DNAH10: variants seen among roughly 807,000 people sequenced by gnomAD.
DNAH10 encodes dynein axonemal heavy chain 10.
A neutral mutation model predicts 506.6 loss-of-function variants in DNAH10; 348 were observed. That is an observed-to-expected ratio of 0.69 (90% CI 0.63 to 0.75). The LOEUF (loss-of-function observed/expected upper bound fraction) is 0.75, where lower values mean the gene tolerates loss of function less well. DNAH10 is among the 30% of genes least tolerant of loss of function. The pLI is 0.00. For missense variants in DNAH10, 5,179 were observed against 5,787.1 expected (o/e 0.89, Z 3.41); for synonymous variants, 2,059 against 2,198.6 (o/e 0.94, Z 1.78).
At chr12:123,848,451 G>A (rs1384514425) in intron 33 of DNAH10, among the ~76,000 whole-genome samples, 2 of 152,146 alleles carry the variant, frequency 1.3e-5, no homozygotes, top group South Asian at 2.1e-4. Flanking sequence ...TGGGAAAGTG[G>A]ACCCAGCATT....
rs369720681 is a variant in DNAH10 at position 123,916,718 on chromosome 12, A to G, written c.10984A>G (p.Met3662Val). The G allele has an allele frequency of 1.4e-5, 23 of 1,611,646 alleles. No homozygotes were observed. Among genetic ancestry groups the G allele is most frequent in the African/African-American group, 2.7e-5 (2 of 74,926 alleles). Residue 3662 changes from methionine to valine, a missense_variant, in exon 63 of 79, where the codon ATG (methionine) becomes GTG (valine). By Grantham distance (21) the Met-to-Val change is conservative. This residue lies in a region of DNAH10 where 4,844 missense variants were observed against 5,430.5 expected (regional missense o/e 0.89). Transcript: ENST00000673944. This position sits in a 1 kb window ranked among gnomAD's most constrained non-coding sequence, Gnocchi z 4.6. Reference sequence around the variant, plus strand: ...TTCCCCATCCGTGTTTGGGAAAGCTATGGTGATCAATTACACTGGTAAGAA... The same window carrying G: ...TTCCCCATCCGTGTTTGGGAAAGCTGTGGTGATCAATTACACTGGTAAGAA... ...RYSPSVFGKA[M>V]VINYTVTLKG...
At chr12:123,788,694 G>A (rs892699708) in intron 10 of DNAH10, among the ~76,000 whole-genome samples, 2 of 152,006 alleles carry the variant, frequency 1.3e-5, no homozygotes, top group Non-Finnish European at 2.9e-5. Flanking sequence ...TTTTGAGGCT[G>A]GGGTGGGAGG....
intron 30 of DNAH10, 41 bp downstream of exon 30, chr12:123,841,586 C>A: frequency 6.4e-7 from 1 of 1,565,766 alleles, no homozygotes; most frequent in South Asian, 1.1e-5. Context: ...CTATCCAATT[C>A]ATAGTCATAA....
At chr12:123,769,351 A>G (rs1364575224) in intron 2 of DNAH10, among the ~76,000 whole-genome samples, 1 of 150,564 alleles carries the variant, frequency 6.6e-6, no homozygotes, top group Non-Finnish European at 1.5e-5. Flanking sequence ...TAATTTTTGT[A>G]TTTTTAGTAG....
chr12:123,822,521 T>G (rs559289550), intron 24 of DNAH10, among the ~76,000 whole-genome samples: 1 of 152,320 alleles, frequency 6.6e-6, no homozygotes, highest in East Asian at 1.9e-4. Flanking sequence ...TATACCTGTA[T>G]CTATATCTAA....
chr12:123,934,303 A>G (rs1174397725), intron 77 of DNAH10: 2 of 688,642 alleles, frequency 2.9e-6, no homozygotes, highest in African/African-American at 3.5e-5. Flanking sequence ...GCATCTTTCT[A>G]GCCTGGGGGC....
intron 31 of DNAH10, 24 bp downstream of exon 31, chr12:123,845,893 G>A (rs4930728): frequency 0.24 from 384,772 of 1,612,782 alleles, 49,540 homozygotes; most frequent in Middle Eastern, 0.27. Flanking sequence ...GGGGTCACTG[G>A]CATTTCAAAA....
intron 11 of DNAH10, among the ~76,000 whole-genome samples, chr12:123,791,818 A>G (rs1958091163): frequency 6.6e-6 from 1 of 152,098 alleles, no homozygotes; most frequent in Admixed American, 6.6e-5. Flanking sequence ...TGATCCTCCT[A>G]CCTCAGCTTC....
Position 123,909,167 on chromosome 12 carries a change from C to CT in DNAH10, c.9816-90dup, listed in dbSNP as rs1209782003. 1.4e-4 allele frequency: 204 copies of CT among 1,498,700 alleles called. No homozygotes were observed. Among genetic ancestry groups the CT allele is most frequent in the Non-Finnish European group, 9.1e-7 (1 of 1,103,992 alleles). 92.8% of individuals were successfully genotyped at this position (1,498,700 alleles called of 1,614,324 possible). On this transcript the variant is annotated intron_variant, in intron 57 of 78. Coordinates refer to ENST00000673944, the MANE Select transcript of DNAH10 (RefSeq NM_001372106.1). The surrounding 1 kb of genome is among the most constrained non-coding windows in gnomAD (Gnocchi z 5.4). The stretch of plus-strand genomic sequence containing the variant: ...TTGCAGCAGTAGCTCCAGGGACTGT[C>CT]TTTTGGTTGAGCTCGTTTTTCTGGA...
At chr12:123,901,226 C>A (rs997173454) in intron 56 of DNAH10, among the ~76,000 whole-genome samples, 3 of 152,244 alleles carry the variant, frequency 2.0e-5, no homozygotes, top group Admixed American at 2.0e-4. Flanking sequence ...CTCTTCCTTC[C>A]CAGCCAGCTC....
intron 77 of DNAH10, chr12:123,934,267 G>A (rs1468929951): frequency 1.4e-6 from 1 of 697,428 alleles, no homozygotes; most frequent in Non-Finnish European, 2.6e-6. Flanking sequence ...GGGTTGCCAT[G>A]GTGCCCATTC....
intron 1 of DNAH10, 84 bp from the exon 2 acceptor site, chr12:123,767,522 C>G: frequency 7.4e-7 from 1 of 1,347,008 alleles, no homozygotes. Flanking sequence ...AACCCCTTGG[C>G]TCCACAGAAA....
intron 40 of DNAH10, among the ~76,000 whole-genome samples, chr12:123,865,509 G>A (rs1351407589): frequency 6.6e-6 from 1 of 151,986 alleles, no homozygotes; most frequent in Non-Finnish European, 1.5e-5. Flanking sequence ...TTTTTGTAGA[G>A]AGAGCTAGGT....
At chr12:123,803,905 CCT>C in intron 17 of DNAH10, 80 bp downstream of exon 17, 1 of 1,294,048 alleles carries the variant, frequency 7.7e-7, no homozygotes, top group Non-Finnish European at 1.1e-6. Context: ...TATATATGTA[CCT>C]ATAAATATAC....
In DNAH10 at chr12:123,827,403, T is replaced by C. The variant is rs566761852; in HGVS notation, c.4391+505T>C. ...TCTTAAAAAATATGTCAAAGTGCAATGTGTATTTTATATCTATAGCCTATT... is the reference window on the plus strand; with the variant it reads ...TCTTAAAAAATATGTCAAAGTGCAACGTGTATTTTATATCTATAGCCTATT... On this transcript the variant is annotated intron_variant, in intron 25 of 78. Coordinates refer to ENST00000673944, the MANE Select transcript of DNAH10 (RefSeq NM_001372106.1). 5.3e-5 allele frequency among the ~76,000 whole-genome samples: 8 copies of C among 152,360 alleles called. No individual in the cohort carries two copies. The South Asian group carries it at 6.2e-4, about 12-fold the overall frequency.
At chr12:123,908,333 C>T (rs1179425922) in intron 57 of DNAH10, 1 of 456,164 alleles carries the variant, frequency 2.2e-6, no homozygotes, top group African/African-American at 2.0e-5. Context: ...CTCTGGCTCA[C>T]CCCAGCCTCC....
rs1390975740 is a variant in DNAH10 at position 123,787,079 on chromosome 12, C to CA, written c.1422-724dup. Among the ~76,000 whole-genome samples, 1 of 152,164 alleles carries CA rather than the reference C, an allele frequency of 6.6e-6. No individual in the cohort carries two copies. The highest frequency in any genetic ancestry group is 2.4e-5 in the African/African-American group (1 of 41,440). On this transcript the variant is annotated intron_variant, in intron 9 of 78. Transcript: ENST00000673944. The surrounding 1 kb of genome is among the most constrained non-coding windows in gnomAD (Gnocchi z 4.6). ...GCTTGAACCCAGGAAGTGGAGGTTG[C>CA]AGTGAGCCGAGATTGCACCTGTCTA...
chr12:123,810,891 A>G (rs1958908393), intron 19 of DNAH10, among the ~76,000 whole-genome samples: 1 of 152,324 alleles, frequency 6.6e-6, no homozygotes, highest in African/African-American at 2.4e-5. Context: ...TATGAATATT[A>G]ATCACAATAT....
chr12:123,776,284 T>G (rs1237745753), intron 5 of DNAH10, among the ~76,000 whole-genome samples: 1 of 152,016 alleles, frequency 6.6e-6, no homozygotes, highest in Non-Finnish European at 1.5e-5. Flanking sequence ...ATGACCGGGA[T>G]CTGGAGGCTT....
Sources: gnomAD v4.1 joint callset for allele counts (sites outside exome capture counted in the v4.1 genomes callset) on GRCh38, gnomAD v4.1.1 for gene constraint, gnomAD v4.1.1 regional missense constraint, Gnocchi (gnomAD v3.1) non-coding constraint, MANE v1.5 for transcripts, NCBI Gene and HGNC (gene_info 2026-07-23, HGNC 2026-07-21) for gene names.